Variants in TTN observed in about 807,000 individuals in gnomAD.
TTN encodes connectin.
In TTN, 1,525 loss-of-function variants were observed where a neutral mutation model predicts 3,223.0. The ratio of observed to expected loss-of-function variants is 0.47; its 90% CI spans 0.45 to 0.49. TTN has a LOEUF of 0.49. Among genes scored for constraint, TTN ranks in the 20% least tolerant of loss-of-function variants. The probability of loss-of-function intolerance (pLI) is 0.00; values close to 1 mark genes in which losing one functional copy is unlikely to be tolerated. For missense variants in TTN, 40,786 were observed against 43,424.0 expected, an observed-to-expected ratio of 0.94 and a Z score of 5.40; for synonymous variants, 14,094 against 15,161.0, an observed-to-expected ratio of 0.93 and a Z score of 5.17.
In TTN at chr2:178,634,717, C is replaced by T; in HGVS notation, c.42151+6G>A. On this transcript the variant is annotated splice_donor_region_variant and intron_variant, in intron 229 of 362. Coordinates refer to ENST00000589042, the MANE Select transcript of TTN (RefSeq NM_001267550.2). The surrounding 1 kb of genome is among the most constrained non-coding windows in gnomAD (Gnocchi z 4.6). ...GACCCCTCCCCAAATTCTAAAAGCC[C>T]CATACCTTTTACTGTCAAAATGGCA... 6.2e-7 allele frequency: 1 copy of T among 1,612,886 alleles called. No homozygotes were observed. The highest frequency in any genetic ancestry group is 1.1e-5 in the South Asian group (1 of 90,960).
chr2:178,628,130 C>CCT (rs2059312102), intron 240 of TTN, among the ~76,000 whole-genome samples: 1 of 151,976 alleles, frequency 6.6e-6, no homozygotes, highest in Non-Finnish European at 1.5e-5. Flanking sequence ...AACAGGCAGG[C>CCT]GTTACCTATC....
rs2080633220 is a variant in TTN at position 178,732,049 on chromosome 2, G to A, written c.16903+17C>T. ...GGCCATAACTTTGGCAACACAAGAG[G>A]CAAAGTGAACACAAACCTTTGACTA... On this transcript the variant is annotated intron_variant, in intron 57 of 362. Coordinates refer to ENST00000589042, the MANE Select transcript of TTN (RefSeq NM_001267550.2). 6.3e-7 allele frequency: 1 copy of A among 1,592,202 alleles called. No individual in the cohort carries two copies.
intron 140 of TTN, 67 bp from the exon 141 acceptor site, chr2:178,679,749 T>C (rs1473221323): frequency 1.3e-6 from 2 of 1,541,386 alleles, no homozygotes; most frequent in South Asian, 1.2e-5. Flanking sequence ...AAAGCACCTG[T>C]AGAAATCATA....
In TTN at chr2:178,723,146, C is replaced by T. The variant is rs1325622750; in HGVS notation, c.21861G>A (p.Leu7287=). Reference sequence around the variant, plus strand: ...CTCTTTTTGTGCTATTCAGAATTTCCAGGATACAAGTTTTCTCTGTTGTGA... The same window carrying T: ...CTCTTTTTGTGCTATTCAGAATTTCTAGGATACAAGTTTTCTCTGTTGTGA... The part of the protein sequence containing the change: ...NIVTTEKTCI[L]EILNSTKRDA... Residue 7287 remains leucine (L), a synonymous_variant, in exon 75 of 363, where the codon CTG becomes CTA. Coordinates refer to ENST00000589042, the MANE Select transcript of TTN (RefSeq NM_001267550.2). The T allele has an allele frequency of 1.2e-6, 2 of 1,613,376 alleles. No homozygotes were observed. Among genetic ancestry groups the T allele is most frequent in the African/African-American group, 2.7e-5 (2 of 74,870 alleles).
At position 178,765,978 on chromosome 2, in the gene TTN, C is replaced by T. The variant is rs540078208; in HGVS notation, c.9703+403G>A. On this transcript the variant is annotated intron_variant, in intron 41 of 362. Coordinates refer to ENST00000589042, the MANE Select transcript of TTN (RefSeq NM_001267550.2). ...TCTCAAAGAGGACTTTTGAGTTCTC[C>T]CAGGCACTCCATATCAGAGGCTGGA... 3.1e-4 allele frequency among the ~76,000 whole-genome samples: 47 copies of T among 152,216 alleles called. 1 individual carries two copies. In the South Asian group the frequency reaches 9.3e-3, roughly 30 times the overall value.
Position 178,575,402 on chromosome 2 carries a change from T to TCA in TTN, c.70728_70729dup (p.Asp23577ValfsTer10), listed in dbSNP as rs778166764. 2 of 1,613,628 alleles carry TCA rather than the reference T, an allele frequency of 1.2e-6. No individual in the cohort carries two copies. Among genetic ancestry groups the TCA allele is most frequent in the South Asian group, 2.2e-5 (2 of 91,076 alleles). On this transcript the variant is annotated frameshift_variant, in exon 326 of 363. Transcript: ENST00000589042. LOFTEE classifies it high-confidence loss of function. The surrounding 1 kb of genome is among the most constrained non-coding windows in gnomAD (Gnocchi z 4.0). ...CACGGTTGTGATGTGGGTCCACTGG[T>TCA]CAGAGCCTTTTCTTTGGGCTTCAAT...
Position 178,709,726 on chromosome 2 carries a change from A to G in TTN, c.28593T>C (p.Asn9531=), listed in dbSNP as rs879223844. 4 of 1,613,854 alleles carry G rather than the reference A, an allele frequency of 2.5e-6. No homozygotes were observed. The highest frequency in any genetic ancestry group is 3.4e-6 in the Non-Finnish European group (4 of 1,179,816). ...AGTTAGAAGTTGGTTGTATCTCTAT[A>G]TTATTTTTGTACCAGGCAACAGTTA... is the stretch of plus-strand genomic sequence containing the variant. ...QPITVAWYKN[N]IEIQPTSNCE... Residue 9531 remains asparagine (N), a synonymous_variant, in exon 99 of 363, where the codon AAT becomes AAC. Coordinates refer to ENST00000589042, the MANE Select transcript of TTN (RefSeq NM_001267550.2).
rs72647846 is a variant in TTN, at chr2:178,795,164, C to T, written c.1003G>A (p.Val335Met). ...LLMRKTQAST[V>M]ATGPEVPPPW... ...GGAGGCACTTCAGGACCTGTGGCCA[C>T]GGTGGATGCCTGAGTCTTACGCATG... is the stretch of plus-strand genomic sequence containing the variant. The change falls in exon 7 of 363, where the codon GTG becomes ATG. Residue 335 changes from valine (V) to methionine (M), a missense_variant. Val to Met is a conservative substitution (Grantham distance 21). Coordinates refer to ENST00000589042, the MANE Select transcript of TTN (RefSeq NM_001267550.2). 3,616 of 1,614,118 alleles carry T rather than the reference C, an allele frequency of 2.2e-3. 82 individuals are homozygous for T. In the African/African-American group the frequency reaches 0.042, roughly 19 times the overall value.
Position 178,713,940 on chromosome 2 carries a change from G to A in TTN, c.26718C>T (p.Asn8906=), listed in dbSNP as rs776901808. Reference sequence around the variant, plus strand: ...CTGTGCAGCTGTCTTTGCCAACAGGGTTCTGCACCTCAAAACTGTATACCC... The same window carrying A: ...CTGTGCAGCTGTCTTTGCCAACAGGATTCTGCACCTCAAAACTGTATACCC... The part of the protein sequence containing the change: ...DSGVYSFEVQ[N]PVGKDSCTAS... The change falls in exon 92 of 363, where the codon AAC becomes AAT. Residue 8906 remains asparagine (N), a synonymous_variant. Coordinates refer to ENST00000589042, the MANE Select transcript of TTN (RefSeq NM_001267550.2). The A allele has an allele frequency of 6.2e-7, 1 of 1,613,520 alleles. No individual in the cohort carries two copies. The highest frequency in any genetic ancestry group is 1.3e-5 in the African/African-American group (1 of 74,896).
At chr2:178,783,856 G>A in intron 16 of TTN, 71 bp from the exon 17 acceptor site, 2 of 1,228,934 alleles carry the variant, frequency 1.6e-6, no homozygotes, top group South Asian at 1.5e-5. Flanking sequence ...CTTAGCTCAT[G>A]CAACATTATA....
intron 156 of TTN, 137 bp downstream of exon 156, chr2:178,670,953 T>A: frequency 1.5e-6 from 1 of 653,320 alleles, no homozygotes; most frequent in Non-Finnish European, 2.5e-6. Context: ...GCTTTAAAGA[T>A]ATTAGTTTGT....
chr2:178,640,392 A>G lies in TTN; in HGVS notation c.40723+149T>C, dbSNP rs983761193. ...AACTGAGTAATCATTAGCCAATTGC[A>G]TAGGAGAGTGAGATGGTAAAGAAAA... On this transcript the variant is annotated intron_variant, in intron 221 of 362. Coordinates refer to ENST00000589042, the MANE Select transcript of TTN (RefSeq NM_001267550.2). 7 of 769,412 alleles carry G rather than the reference A, an allele frequency of 9.1e-6. No individual in the cohort carries two copies. The African/African-American group carries it at 1.1e-4, about 12-fold the overall frequency. The allele number at this position is 769,412 out of a possible 1,614,324, so 47.7% of individuals were successfully genotyped here. A position where few individuals can be genotyped will look rare whatever the true frequency, so the allele number is the denominator to read the frequency against.
rs748932192 is a variant in TTN, at chr2:178,619,687, G to A, written c.46630C>T (p.Arg15544Cys). ...HRLQICDIKP[R>C]DQGEYRFIAK... ...ATAAATCTGTATTCACCCTGGTCAC[G>A]GGGCTTAATATCACAAATCTGTAGT... Residue 15544 changes from arginine to cysteine, a missense_variant, in exon 250 of 363, where the codon CGT (arginine) becomes TGT (cysteine). Arg to Cys is a radical substitution (Grantham distance 180, BLOSUM62 -3). Transcript: ENST00000589042. 1.2e-5 allele frequency: 20 copies of A among 1,612,102 alleles called. No homozygotes were observed. The highest frequency in any genetic ancestry group is 8.8e-5 in the South Asian group (8 of 91,004).
chr2:178,598,719 TA>T (rs3214578), intron 291 of TTN, 28 bp downstream of exon 291: 30 of 1,602,050 alleles, frequency 1.9e-5, no homozygotes, highest in Non-Finnish European at 2.4e-5. Flanking sequence ...AAATAAGATT[TA>T]AAAAAAAGGA....
In TTN at chr2:178,570,835, T is replaced by A; in HGVS notation, c.75297A>T (p.Ala25099=). The change falls in exon 326 of 363, where the codon GCA becomes GCT. Residue 25099 remains alanine, a synonymous_variant. Coordinates refer to ENST00000589042, the MANE Select transcript of TTN (RefSeq NM_001267550.2). The stretch of plus-strand genomic sequence containing the variant: ...GATCTACCTCATCTCTAGCTGTTAT[T>A]GCTCCTGTGCTTTCTGAAGGCTCAC... ...VFSEPSESTG[A]ITARDEVDPP... 6.2e-7 allele frequency: 1 copy of A among 1,613,588 alleles called. No homozygotes were observed. Among genetic ancestry groups the A allele is most frequent in the Non-Finnish European group, 8.5e-7 (1 of 1,179,626 alleles).
In TTN at chr2:178,595,706, G is replaced by A. The variant is rs55956577; in HGVS notation, c.57648C>T (p.Ile19216=). The A allele has an allele frequency of 2.2e-3, 3,505 of 1,608,760 alleles. 52 individuals carry two copies. The highest frequency in any genetic ancestry group is 0.021 in the South Asian group (1,898 of 89,744). The stretch of plus-strand genomic sequence containing the variant: ...CACGCTTTTCAATGACATAATTGGT[G>A]ATTGGAGAGCCTCCATCATCTTCTG... ...FSPEDDGGSP[I]TNYVIEKRES... Residue 19216 remains isoleucine, a synonymous_variant, in exon 295 of 363, where the codon ATC becomes ATT. Transcript: ENST00000589042.
chr2:178,714,016 A>G lies in TTN; in HGVS notation c.26642T>C (p.Phe8881Ser). ...GATCTTAAGGCCGGATACTTTGTTGAAGAAGCTTATTTTGTATTTGTTGTC... is the reference window on the plus strand; with the variant it reads ...GATCTTAAGGCCGGATACTTTGTTGGAGAAGCTTATTTTGTATTTGTTGTC... ...TSDNKYKISF[F>S]NKVSGLKIIN... The change falls in exon 92 of 363, where the codon TTC becomes TCC. Residue 8881 changes from phenylalanine (F) to serine (S), a missense_variant. Phe to Ser is a radical substitution (Grantham distance 155). Transcript: ENST00000589042. 6.2e-7 allele frequency: 1 copy of G among 1,613,556 alleles called. No homozygotes were observed.
chr2:178,559,004 CTATA>C (rs921549365), intron 326 of TTN: 9 of 296,856 alleles, frequency 3.0e-5, no homozygotes, highest in East Asian at 8.2e-5. Flanking sequence ...TACACACATA[CTATA>C]TATATATAAT....
Position 178,564,690 on chromosome 2 carries a change from A to C in TTN, c.81442T>G (p.Ser27148Ala). The change falls in exon 326 of 363, where the codon TCT (serine) becomes GCT (alanine). Residue 27148 changes from serine (S) to alanine (A), a missense_variant. Transcript: ENST00000589042. ...DEGLEYEFKV[S>A]AENIVGIGKP... is the part of the protein sequence containing the mutation. Reference sequence around the variant, plus strand: ...CCAATGCCAACAATATTTTCAGCAGAAACTTTGAACTCATACTCAAGGCCC... The same window carrying C: ...CCAATGCCAACAATATTTTCAGCAGCAACTTTGAACTCATACTCAAGGCCC... 6.2e-7 allele frequency: 1 copy of C among 1,613,452 alleles called. No homozygotes were observed. The highest frequency in any genetic ancestry group is 8.5e-7 in the Non-Finnish European group (1 of 1,179,664).
Sources: gnomAD v4.1 joint callset for allele counts (sites outside exome capture counted in the v4.1 genomes callset) on GRCh38, gnomAD v4.1.1 for gene constraint, Gnocchi (gnomAD v3.1) non-coding constraint, MANE v1.5 for transcripts, NCBI Gene and HGNC (gene_info 2026-07-23, HGNC 2026-07-21) for gene names.